Variants in SLC3A1 observed in about 807,000 individuals in gnomAD.
The protein encoded by SLC3A1 is amino acid transporter heavy chain SLC3A1.
Under a neutral mutation model 60.3 loss-of-function variants are expected in SLC3A1, and 78 were observed. The observed-to-expected ratio is 1.29, with a 90% confidence interval of 1.08 to 1.56. The LOEUF (loss-of-function observed/expected upper bound fraction) is 1.56. SLC3A1 is among the 40% of genes most tolerant of loss of function. The pLI is 0.00. For missense variants in SLC3A1, 1,172 were observed against 858.9 expected (o/e 1.36, Z -4.56); for synonymous variants, 392 against 307.9 (o/e 1.27, Z -2.86).
At chr2:44,316,550 T>C (rs1015549407) in intron 9 of SLC3A1, 1 of 152,092 alleles carries the variant, frequency 6.6e-6, no homozygotes, top group African/African-American at 2.4e-5. Flanking sequence ...GAGAACAGAC[T>C]GGAGGAAACA....
chr2:44,277,499 T>C (rs1343338150), intron 1 of SLC3A1, among the ~76,000 whole-genome samples: 1 of 152,142 alleles, frequency 6.6e-6, no homozygotes, highest in Non-Finnish European at 1.5e-5. Context: ...CCCATTGCCT[T>C]CATTACTCTT....
At chr2:44,286,751 G>A (rs115807577) in intron 4 of SLC3A1, among the ~76,000 whole-genome samples, 1,828 of 139,020 alleles carry the variant, frequency 0.013, 1 homozygote, top group African/African-American at 0.049. Context: ...TGACTGAGCT[G>A]TGCGGTGTCT....
In SLC3A1 at chr2:44,280,773, C is replaced by T. The variant is rs752758455; in HGVS notation, c.488C>T (p.Thr163Ile). ...TTAAATATAAAAACTGTTTGGATTA[C>T]TTCATTTTATAAATCGTCCCTTAAA... is the stretch of plus-strand genomic sequence containing the variant. ...TALNIKTVWI[T>I]SFYKSSLKDF... Residue 163 changes from threonine to isoleucine, a missense_variant, in exon 2 of 10, where the codon ACT (threonine) becomes ATT (isoleucine). Transcript: ENST00000260649. The T allele has an allele frequency of 6.2e-7, 1 of 1,611,620 alleles. No homozygotes were observed.
Position 44,320,121 on chromosome 2 carries a change from TC to T in SLC3A1, c.1618-76del, listed in dbSNP as rs538394398. 240 of 1,294,714 alleles carry T rather than the reference TC, an allele frequency of 1.9e-4. No homozygotes were observed. In the African/African-American group the frequency reaches 2.9e-3, roughly 16 times the overall value. The allele number at this position is 1,294,714 out of a possible 1,614,324, so 80.2% of individuals were successfully genotyped here. The stretch of plus-strand genomic sequence containing the variant: ...GGAGCAAGTGTTTTGGGTAAATAAC[TC>T]CTTACAATATATTAAAAATACTTAC... On this transcript the variant is annotated intron_variant, in intron 9 of 9. Coordinates refer to ENST00000260649, the MANE Select transcript of SLC3A1 (RefSeq NM_000341.4).
At chr2:44,301,254 TAC>T (rs747903407) in intron 6 of SLC3A1, 127 bp downstream of exon 6, 6 of 1,255,072 alleles carry the variant, frequency 4.8e-6, no homozygotes, top group Non-Finnish European at 6.9e-6. Context: ...TCTAATTGAT[TAC>T]AGTTTGGTTG....
At chr2:44,322,278 G>A (rs1673049760), downstream of SLC3A1, among the ~76,000 whole-genome samples, 1 of 152,118 alleles carries the variant, frequency 6.6e-6, no homozygotes, top group South Asian at 2.1e-4. Flanking sequence ...TAGTTTCAAG[G>A]CAAAAGGGAG....
At chr2:44,307,194 T>A (rs1255487527) in intron 7 of SLC3A1, among the ~76,000 whole-genome samples, 1 of 152,264 alleles carries the variant, frequency 6.6e-6, no homozygotes, top group Non-Finnish European at 1.5e-5. Flanking sequence ...TTCCTTTTTA[T>A]GGCTGAATAG....
rs1438040133 is a variant in SLC3A1, at chr2:44,285,863, A to G, written c.766-169A>G. The G allele has an allele frequency of 1.1e-5, 9 of 827,616 alleles. No homozygotes were observed. The Admixed American group carries it at 1.1e-4, about 10-fold the overall frequency. The allele number at this position is 827,616 out of a possible 1,614,324, so 51.3% of individuals were successfully genotyped here. A position where few individuals can be genotyped will look rare whatever the true frequency, so the allele number is the denominator to read the frequency against. ...ACCATGTTTGTGAGGCATTAGGCCA[A>G]TGGGGTGGGGGGTATTTGGAAGGGG... is the stretch of plus-strand genomic sequence containing the variant. On this transcript the variant is annotated intron_variant, in intron 3 of 9. Transcript: ENST00000260649.
In SLC3A1 at chr2:44,321,028, C is replaced by T. The variant is rs1672896272; in HGVS notation, c.*389C>T. The T allele has an allele frequency of 2.6e-6, 1 of 389,432 alleles. No homozygotes were observed. Among genetic ancestry groups the T allele is most frequent in the Non-Finnish European group, 4.7e-6 (1 of 213,098 alleles). The allele number at this position is 389,432 out of a possible 1,614,324, so 24.1% of individuals were successfully genotyped here. On this transcript the variant is annotated 3_prime_UTR_variant, in exon 10 of 10. Coordinates refer to ENST00000260649, the MANE Select transcript of SLC3A1 (RefSeq NM_000341.4). ...AGCATTTGCTAGCAAAGAGGCAGGA[C>T]ACTAATTTGTAAACTGCTCAACTGT...
chr2:44,303,138 T>G (rs1447250440), intron 6 of SLC3A1, among the ~76,000 whole-genome samples: 2 of 148,914 alleles, frequency 1.3e-5, no homozygotes, highest in African/African-American at 2.5e-5. Context: ...GAGGTGGAGG[T>G]TGCAGTAAGC....
intron 4 of SLC3A1, 82 bp from the exon 5 acceptor site, chr2:44,299,889 T>C: frequency 7.1e-7 from 1 of 1,400,400 alleles, no homozygotes; most frequent in African/African-American, 1.4e-5. Flanking sequence ...TGATGCCAAG[T>C]TGTTAACAGT....
At chr2:44,317,459 CAAAA>C (rs3074505) in intron 9 of SLC3A1, among the ~76,000 whole-genome samples, 1 of 141,606 alleles carries the variant, frequency 7.1e-6, no homozygotes. Context: ...GAGATTGTGT[CAAAA>C]AAAAAAAAAA....
Position 44,281,479 on chromosome 2 carries a change from G to C in SLC3A1, c.703G>C (p.Asp235His). 1 of 1,613,698 alleles carries C rather than the reference G, an allele frequency of 6.2e-7. No individual in the cohort carries two copies. The change falls in exon 3 of 10, where the codon GAT becomes CAT. Residue 235 changes from aspartate to histidine, a missense_variant. By Grantham distance (81) the Asp-to-His change is moderately conservative (BLOSUM62 -1). Transcript: ENST00000260649. The stretch of plus-strand genomic sequence containing the variant: ...TCGGACACGGACAGGAAAATATACT[G>C]ATTATTATATCTGGCATGACTGTAC... ...LSRTRTGKYT[D>H]YYIWHDCTHE...
chr2:44,321,275 ATTT>A lies in SLC3A1; in HGVS notation c.*644_*646del, dbSNP rs371223439. On this transcript the variant is annotated 3_prime_UTR_variant, in exon 10 of 10. Transcript: ENST00000260649. ...ATAACTTAAAAGTCTCAAGTTATTA[ATTT>A]TTTTTTTGCTAACTCAATTGGAAGT... is the stretch of plus-strand genomic sequence containing the variant. 1 of 1,093,096 alleles carries A rather than the reference ATTT, an allele frequency of 9.1e-7. No individual in the cohort carries two copies. The highest frequency in any genetic ancestry group is 1.3e-6 in the Non-Finnish European group (1 of 769,576). The allele number at this position is 1,093,096 out of a possible 1,614,324, so 67.7% of individuals were successfully genotyped here.
At chr2:44,305,000 T>G (rs980092861) in intron 7 of SLC3A1, among the ~76,000 whole-genome samples, 9 of 151,826 alleles carry the variant, frequency 5.9e-5, no homozygotes, top group African/African-American at 2.2e-4. Context: ...TATTTTTGTT[T>G]TTGTATTTTT....
intron 3 of SLC3A1, among the ~76,000 whole-genome samples, chr2:44,284,205 A>T (rs1174749069): frequency 1.3e-5 from 2 of 152,012 alleles, no homozygotes; most frequent in Admixed American, 6.6e-5. Flanking sequence ...TCAGCCTCTC[A>T]AGTAGCTGGA....
chr2:44,302,785 C>G (rs1475840279), intron 6 of SLC3A1, among the ~76,000 whole-genome samples: 4 of 152,172 alleles, frequency 2.6e-5, no homozygotes, highest in South Asian at 2.1e-4. Context: ...ACTTTAGATT[C>G]TAAATGGAGT....
intron 3 of SLC3A1, among the ~76,000 whole-genome samples, chr2:44,282,845 A>G (rs993599499): frequency 1.3e-5 from 2 of 151,970 alleles, no homozygotes; most frequent in East Asian, 1.9e-4. Context: ...TTTTGTAAAG[A>G]CAGGGCCTCA....
chr2:44,311,298 C>G (rs1420348018), intron 7 of SLC3A1, among the ~76,000 whole-genome samples: 1 of 152,134 alleles, frequency 6.6e-6, no homozygotes. Flanking sequence ...TTAAATTCTT[C>G]AGGCACAGGT....
Sources: gnomAD v4.1 joint callset for allele counts (sites outside exome capture counted in the v4.1 genomes callset) on GRCh38, gnomAD v4.1.1 for gene constraint, MANE v1.5 for transcripts, NCBI Gene and HGNC (gene_info 2026-07-23, HGNC 2026-07-21) for gene names.